Variants in PXDN observed in about 807,000 individuals in gnomAD.
PXDN encodes the protein peroxidasin homolog.
PXDN carries 77 observed loss-of-function variants against 140.3 expected under a neutral mutation model. The observed-to-expected ratio is 0.55, with a 90% CI of 0.46 to 0.66. The LOEUF is 0.66. Ranked by LOEUF, PXDN falls within the 30% of genes least tolerant of loss-of-function variation. PXDN has a pLI of 0.00. For synonymous variants in PXDN, 911 were observed against 857.4 expected, an observed-to-expected ratio of 1.06 and a Z score of -1.09; for missense variants, 1,838 against 2,039.5, an observed-to-expected ratio of 0.90 and a Z score of 1.90.
rs765769467 is a variant in PXDN, at chr2:1,666,199, A to T, written c.1291+15T>A. The T allele has an allele frequency of 8.1e-6, 13 of 1,611,786 alleles. No homozygotes were observed. In the East Asian group the frequency reaches 2.9e-4, roughly 36 times the overall value. ...GGGCTGAGCCCTGGCTCTGGCACAGAGGATGGATACCCACCCTGGACGATG... is the reference window on the plus strand; with the variant it reads ...GGGCTGAGCCCTGGCTCTGGCACAGTGGATGGATACCCACCCTGGACGATG... On this transcript the variant is annotated intron_variant, in intron 10 of 22. Transcript: ENST00000252804.
chr2:1,649,486 C>G lies in PXDN; in HGVS notation c.2294G>C (p.Arg765Pro). 1 of 1,613,976 alleles carries G rather than the reference C, an allele frequency of 6.2e-7. No individual in the cohort carries two copies. Among genetic ancestry groups the G allele is most frequent in the Non-Finnish European group, 8.5e-7 (1 of 1,179,880 alleles). The change falls in exon 17 of 23, where the codon CGC becomes CCC. Residue 765 changes from arginine (R) to proline (P), a missense_variant. Physicochemically the swap from Arg to Pro is moderately radical, Grantham distance 103. Coordinates refer to ENST00000252804, the MANE Select transcript of PXDN (RefSeq NM_012293.3). This position sits in a 1 kb window ranked among gnomAD's most constrained non-coding sequence, Gnocchi z 7.1. Reference sequence around the variant, plus strand: ...ATTCTCGTACACGGATTTCAGCAGGCGCTCGAAGGCGGTCAGCGAGGCGCC... The same window carrying G: ...ATTCTCGTACACGGATTTCAGCAGGGGCTCGAAGGCGGTCAGCGAGGCGCC... ...MWGASLTAFERLLKSVYENGF... is the reference protein window; with the variant it reads ...MWGASLTAFEPLLKSVYENGF...
chr2:1,699,089 A>G (rs1684361319), intron 1 of PXDN, among the ~76,000 whole-genome samples: 1 of 152,232 alleles, frequency 6.6e-6, no homozygotes, highest in Admixed American at 6.5e-5. Context: ...TTTACACTCA[A>G]TATCAAAATC....
chr2:1,738,217 T>C (rs1572206410), intron 1 of PXDN, among the ~76,000 whole-genome samples: 1 of 152,218 alleles, frequency 6.6e-6, no homozygotes, highest in East Asian at 1.9e-4. Context: ...TATGGAACTA[T>C]CACTATTAAA....
intron 17 of PXDN, among the ~76,000 whole-genome samples, chr2:1,645,596 C>A (rs1682833865): frequency 6.6e-6 from 1 of 152,202 alleles, no homozygotes; most frequent in African/African-American, 2.4e-5. Context: ...ATTGGTCTTA[C>A]CGTAGAATAA....
In PXDN at chr2:1,673,576, G is replaced by C. The variant is rs1683626257; in HGVS notation, c.1018+67C>G. ...ATTCTTATTTTGGGGTGCAAGGAAA[G>C]GAGAAGGCAGATAGTGAGGGACGAC... is the stretch of plus-strand genomic sequence containing the variant. On this transcript the variant is annotated intron_variant, in intron 9 of 22. Transcript: ENST00000252804. 39 of 1,528,978 alleles carry C rather than the reference G, an allele frequency of 2.6e-5. 1 individual carries two copies. The South Asian group carries it at 4.7e-4, about 18-fold the overall frequency. The allele number at this position is 1,528,978 out of a possible 1,614,324, so 94.7% of individuals were successfully genotyped here. A position where few individuals can be genotyped will look rare whatever the true frequency, so the allele number is the denominator to read the frequency against.
chr2:1,700,302 T>A (rs1302565328), intron 1 of PXDN, among the ~76,000 whole-genome samples: 1 of 152,142 alleles, frequency 6.6e-6, no homozygotes, highest in Non-Finnish European at 1.5e-5. Flanking sequence ...CCTCAGGTGA[T>A]CTACCCGCCT....
intron 1 of PXDN, among the ~76,000 whole-genome samples, chr2:1,696,334 T>C (rs1684300758): frequency 6.6e-6 from 1 of 152,170 alleles, no homozygotes; most frequent in Admixed American, 6.5e-5. Context: ...TCACAGCAGT[T>C]AGACCTCCCA....
chr2:1,710,054 G>A (rs908820777), intron 1 of PXDN, among the ~76,000 whole-genome samples: 1 of 152,150 alleles, frequency 6.6e-6, no homozygotes, highest in Admixed American at 6.5e-5. Context: ...AGGAGCACAC[G>A]CAGCTGCGGA....
At position 1,666,294 on chromosome 2, in the gene PXDN, T is replaced by C. The variant is rs1180291834; in HGVS notation, c.1211A>G (p.Gln404Arg). 6.2e-7 allele frequency: 1 copy of C among 1,614,044 alleles called. No individual in the cohort carries two copies. The highest frequency in any genetic ancestry group is 8.5e-7 in the Non-Finnish European group (1 of 1,179,890). Reference sequence around the variant, plus strand: ...GCACGCATACTCTCCGCTGTCCCCCTGTACGACGTTCTGTATGTAAAGCCC... The same window carrying C: ...GCACGCATACTCTCCGCTGTCCCCCCGTACGACGTTCTGTATGTAAAGCCC... ...SGGLYIQNVV[Q>R]GDSGEYACSA... Residue 404 changes from glutamine (Q) to arginine (R), a missense_variant, in exon 10 of 23, where the codon CAG (glutamine) becomes CGG (arginine). Around this residue, in one of 5 missense-constraint regions of PXDN, gnomAD observed 537 missense variants for 583.9 expected, o/e 0.92. Transcript: ENST00000252804.
chr2:1,728,410 GC>G (rs1316071278), intron 1 of PXDN, among the ~76,000 whole-genome samples: 2 of 152,230 alleles, frequency 1.3e-5, no homozygotes, highest in African/African-American at 4.8e-5. Flanking sequence ...CGCATTATTT[GC>G]AGATTCCAAA....
intron 1 of PXDN, among the ~76,000 whole-genome samples, chr2:1,720,119 C>G (rs1191680425): frequency 1.5e-4 from 2 of 13,192 alleles, no homozygotes; most frequent in Non-Finnish European, 2.6e-4. Flanking sequence ...GGGAGGGATG[C>G]AGAGAGAGAG....
At chr2:1,678,636 G>A (rs909585064) in intron 7 of PXDN, among the ~76,000 whole-genome samples, 1 of 152,222 alleles carries the variant, frequency 6.6e-6, no homozygotes, top group African/African-American at 2.4e-5. Flanking sequence ...AAACGACAGG[G>A]CCTCGGCTGA....
intron 1 of PXDN, among the ~76,000 whole-genome samples, chr2:1,708,693 C>T (rs549466387): frequency 6.6e-5 from 10 of 152,246 alleles, no homozygotes; most frequent in African/African-American, 2.2e-4. Flanking sequence ...CATGGTGTGA[C>T]GGAACCTCCT....
chr2:1,645,995 C>T (rs1027200815), intron 17 of PXDN: 10 of 152,298 alleles, frequency 6.6e-5, no homozygotes, highest in Non-Finnish European at 8.8e-5. Context: ...GAATGTCCCA[C>T]GGCTGGGGAT....
At position 1,660,519 on chromosome 2, in the gene PXDN, T is replaced by C. The variant is rs74496273; in HGVS notation, c.1837+362A>G. ...GAATCAGAATCTCTTCAAGCAACCA[T>C]ATTTGCCAAATTGTAACTGTAAATT... On this transcript the variant is annotated intron_variant, in intron 14 of 22. Coordinates refer to ENST00000252804, the MANE Select transcript of PXDN (RefSeq NM_012293.3). This position sits in a 1 kb window ranked among gnomAD's most constrained non-coding sequence, Gnocchi z 4.6. Among the ~76,000 whole-genome samples the C allele has an allele frequency of 3.4e-3, 511 of 152,320 alleles. 4 individuals are homozygous for C. The highest frequency in any genetic ancestry group is 0.011 in the African/African-American group (474 of 41,576).
intron 1 of PXDN, among the ~76,000 whole-genome samples, chr2:1,721,071 C>T (rs1008808177): frequency 6.6e-6 from 1 of 152,210 alleles, no homozygotes; most frequent in African/African-American, 2.4e-5. Flanking sequence ...GTCGGCTCTA[C>T]TCAAAGTCTC....
At chr2:1,657,905 G>A (rs1683186057) in intron 14 of PXDN, among the ~76,000 whole-genome samples, 2 of 148,042 alleles carry the variant, frequency 1.4e-5, no homozygotes, top group South Asian at 4.3e-4. Context: ...TCCTGACTGA[G>A]ACCTAGTCCC....
intron 1 of PXDN, among the ~76,000 whole-genome samples, chr2:1,729,955 T>A (rs896401073): frequency 6.6e-6 from 1 of 152,206 alleles, no homozygotes; most frequent in Non-Finnish European, 1.5e-5. Context: ...TCATAATATA[T>A]TCCCAGATTT....
chr2:1,665,798 G>A (rs1383594434), intron 10 of PXDN, among the ~76,000 whole-genome samples: 2 of 152,238 alleles, frequency 1.3e-5, no homozygotes, highest in Non-Finnish European at 2.9e-5. Context: ...GGCAGATGGC[G>A]TAAAACGATG....
Sources: gnomAD v4.1 joint callset for allele counts (sites outside exome capture counted in the v4.1 genomes callset) on GRCh38, gnomAD v4.1.1 for gene constraint, gnomAD v4.1.1 regional missense constraint, Gnocchi (gnomAD v3.1) non-coding constraint, MANE v1.5 for transcripts, NCBI Gene and HGNC (gene_info 2026-07-23, HGNC 2026-07-21) for gene names.